SENP5: variants seen among roughly 807,000 people sequenced by gnomAD.
SENP5 encodes the protein SUMO specific peptidase 5.
SENP5 carries 21 observed loss-of-function variants against 74.2 expected under a neutral mutation model. That is an observed-to-expected ratio of 0.28 (90% confidence interval 0.20 to 0.41). The LOEUF (loss-of-function observed/expected upper bound fraction) is 0.41, where lower values mean the gene tolerates loss of function less well. Ranked by LOEUF, SENP5 falls within the 10% of genes least tolerant of loss-of-function variation. SENP5 has a pLI of 1.00. For missense variants in SENP5, 717 were observed against 889.1 expected (o/e 0.81, Z 2.46); for synonymous variants, 311 against 312.7 (o/e 0.99, Z 0.06).
intron 7 of SENP5, among the ~76,000 whole-genome samples, chr3:196,923,755 G>A (rs1368165767): frequency 6.6e-6 from 1 of 152,184 alleles, no homozygotes; most frequent in African/African-American, 2.4e-5. Flanking sequence ...CCCCCTCTGA[G>A]ATACTCCACT....
intron 1 of SENP5, among the ~76,000 whole-genome samples, chr3:196,870,673 A>G (rs1713175689): frequency 6.6e-6 from 1 of 151,718 alleles, no homozygotes; most frequent in Non-Finnish European, 1.5e-5. Flanking sequence ...GCCCACCACC[A>G]CGCCCGGCTA....
intron 6 of SENP5, among the ~76,000 whole-genome samples, chr3:196,921,468 G>A (rs370525213): frequency 6.6e-6 from 1 of 152,094 alleles, no homozygotes; most frequent in African/African-American, 2.4e-5. Flanking sequence ...GGAAAGATAG[G>A]TGAAGTGTAT....
intron 4 of SENP5, 41 bp downstream of exon 4, chr3:196,900,103 G>A: frequency 1.9e-6 from 3 of 1,585,818 alleles, no homozygotes; most frequent in Non-Finnish European, 1.7e-6. Context: ...AAGTTGCAGA[G>A]GATGTTAGTC....
chr3:196,919,809 A>C (rs74580108), intron 6 of SENP5, among the ~76,000 whole-genome samples: 2,303 of 150,054 alleles, frequency 0.015, 50 homozygotes, highest in African/African-American at 0.051. Context: ...AAAAAAAGGG[A>C]GGGATCAAGA....
In SENP5 at chr3:196,924,176, G is replaced by A. The variant is rs551826967; in HGVS notation, c.2022+625G>A. Among the ~76,000 whole-genome samples the A allele has an allele frequency of 3.3e-5, 5 of 152,274 alleles. No homozygotes were observed. The South Asian group carries it at 1.0e-3, about 32-fold the overall frequency. On this transcript the variant is annotated intron_variant, in intron 7 of 9. Coordinates refer to ENST00000323460, the MANE Select transcript of SENP5 (RefSeq NM_152699.5). ...TGTAAAAGTATTTGAATGAAATATG[G>A]AAAATGTTATGTTCACAGAGTGGGG...
chr3:196,910,649 C>G (rs1577833240), intron 6 of SENP5, among the ~76,000 whole-genome samples: 1 of 151,882 alleles, frequency 6.6e-6, no homozygotes, highest in East Asian at 1.9e-4. Context: ...CCTGGCTGCC[C>G]AAAGTAATTA....
At chr3:196,915,589 G>T (rs975219523) in intron 6 of SENP5, among the ~76,000 whole-genome samples, 1 of 152,196 alleles carries the variant, frequency 6.6e-6, no homozygotes, top group African/African-American at 2.4e-5. Flanking sequence ...GTTGCCACAT[G>T]CCTTGGGCAA....
intron 2 of SENP5, among the ~76,000 whole-genome samples, chr3:196,893,180 CACA>C (rs1714286505): frequency 6.6e-6 from 1 of 152,196 alleles, no homozygotes; most frequent in African/African-American, 2.4e-5. Context: ...CCCCTTTCTC[CACA>C]TTCAAGTCCT....
intron 1 of SENP5, among the ~76,000 whole-genome samples, chr3:196,880,902 A>T (rs1338988686): frequency 6.6e-6 from 1 of 151,486 alleles, no homozygotes. Context: ...CGGCCTCCCA[A>T]AGTGTTGGGA....
At chr3:196,929,523 GGAGAGAGAAAAGTTTCCTATC>G (rs1715945334) in intron 8 of SENP5, 89 bp from the exon 9 acceptor site, 10 of 654,388 alleles carry the variant, frequency 1.5e-5, no homozygotes, top group Non-Finnish European at 2.4e-5. Flanking sequence ...CAGCTGTCCT[GGAGAGAGAAAAGTTTCCTATC>G]TTTTGCGCAT....
chr3:196,930,781 C>G, intron 9 of SENP5, 32 bp from the exon 10 acceptor site: 8 of 1,300,906 alleles, frequency 6.1e-6, no homozygotes, highest in Non-Finnish European at 8.7e-6. Flanking sequence ...CCAAGTGCCA[C>G]TGAAGTGTTT....
intron 6 of SENP5, among the ~76,000 whole-genome samples, chr3:196,909,608 T>C (rs1041908699): frequency 2.0e-5 from 3 of 152,156 alleles, no homozygotes; most frequent in Non-Finnish European, 2.9e-5. Context: ...TGATTCAACA[T>C]ATGCAAATCA....
intron 6 of SENP5, among the ~76,000 whole-genome samples, chr3:196,906,326 CATT>C (rs1271638039): frequency 6.6e-6 from 1 of 152,136 alleles, no homozygotes; most frequent in East Asian, 1.9e-4. Flanking sequence ...TAGTGCCAGA[CATT>C]ATAGTAAATC....
At chr3:196,924,426 A>G (rs955634044) in intron 7 of SENP5, among the ~76,000 whole-genome samples, 1 of 152,242 alleles carries the variant, frequency 6.6e-6, no homozygotes, top group African/African-American at 2.4e-5. Flanking sequence ...AAATGGACAA[A>G]GGCTAATTTA....
At chr3:196,883,892 A>G (rs527923846) in intron 1 of SENP5, among the ~76,000 whole-genome samples, 1 of 152,228 alleles carries the variant, frequency 6.6e-6, no homozygotes, top group East Asian at 1.9e-4. Context: ...GGGTTTCACC[A>G]TGTTGGCCAG....
chr3:196,914,335 T>C (rs1209406668), intron 6 of SENP5: 4 of 151,896 alleles, frequency 2.6e-5, no homozygotes, highest in Non-Finnish European at 5.9e-5. Context: ...ATGATATTAG[T>C]AAACTGATGT....
intron 1 of SENP5, among the ~76,000 whole-genome samples, chr3:196,880,498 T>C (rs1713675536): frequency 6.6e-6 from 1 of 151,416 alleles, no homozygotes; most frequent in African/African-American, 2.5e-5. Flanking sequence ...ATGACTTTTC[T>C]TTTTCTGAAC....
In SENP5 at chr3:196,931,152, CATATTTA is replaced by C. The variant is rs1716025277; in HGVS notation, c.*237_*243del. 2.1e-6 allele frequency: 1 copy of C among 475,292 alleles called. No individual in the cohort carries two copies. The highest frequency in any genetic ancestry group is 3.8e-6 in the Non-Finnish European group (1 of 263,866). 29.4% of individuals were successfully genotyped at this position (475,292 alleles called of 1,614,324 possible). A position where few individuals can be genotyped will look rare whatever the true frequency, so the allele number is the denominator to read the frequency against. On this transcript the variant is annotated 3_prime_UTR_variant, in exon 10 of 10. Transcript: ENST00000323460. ...TAATTTTATGGTTCTGTGCGTCCCC[CATATTTA>C]ATATTTATTATTCAAACGCATGCAT...
rs758765328 is a variant in SENP5, at chr3:196,923,571, AT to A, written c.2022+26del. 1 of 1,540,400 alleles carries A rather than the reference AT, an allele frequency of 6.5e-7. No homozygotes were observed. Among genetic ancestry groups the A allele is most frequent in the Non-Finnish European group, 8.9e-7 (1 of 1,128,438 alleles). On this transcript the variant is annotated intron_variant, in intron 7 of 9. Coordinates refer to ENST00000323460, the MANE Select transcript of SENP5 (RefSeq NM_152699.5). ...GTAGAGGTAAGTTAATATACTGCCT[AT>A]TTTTTCATTTATTTTGTAATTGGCC...
Sources: allele counts gnomAD v4.1 joint callset (sites outside exome capture counted in the v4.1 genomes callset), GRCh38; gene constraint gnomAD v4.1.1; transcripts MANE v1.5; gene names NCBI Gene and HGNC (gene_info 2026-07-23, HGNC 2026-07-21).